The following ANGPT1 variants were observed in gnomAD, a reference collection of about 807,000 sequenced individuals.
ANGPT1 encodes the protein angiopoietin-1.
In ANGPT1, 17 loss-of-function variants were observed where a neutral mutation model predicts 62.2. The observed-to-expected ratio is 0.27, with a 90% CI of 0.19 to 0.41. The LOEUF is 0.41. Among genes scored for constraint, ANGPT1 ranks in the 10% least tolerant of loss-of-function variants. The probability of loss-of-function intolerance (pLI) is 1.00; values close to 1 mark genes in which losing one functional copy is unlikely to be tolerated. For synonymous variants in ANGPT1, 199 were observed against 198.9 expected (o/e 1.00, Z 0.00); for missense variants, 478 against 594.9 (o/e 0.80, Z 2.04).
chr8:107,405,167 T>G, intron 1 of ANGPT1, among the ~76,000 whole-genome samples: 1 of 152,020 alleles, frequency 6.6e-6, no homozygotes, highest in Admixed American at 6.6e-5. Flanking sequence ...TATTACAGTT[T>G]TTTCTCATTC....
chr8:107,266,611 T>G (rs537431577), intron 7 of ANGPT1, among the ~76,000 whole-genome samples: 1 of 152,330 alleles, frequency 6.6e-6, no homozygotes, highest in African/African-American at 2.4e-5. Context: ...GAATGAGCAA[T>G]GGCAATTTTA....
At chr8:107,262,902 A>T (rs1291007167) in intron 8 of ANGPT1, among the ~76,000 whole-genome samples, 1 of 152,206 alleles carries the variant, frequency 6.6e-6, no homozygotes, top group Non-Finnish European at 1.5e-5. Flanking sequence ...TATCAACTTC[A>T]CAGTTTTGCC....
At chr8:107,313,818 T>A (rs897289367) in intron 4 of ANGPT1, among the ~76,000 whole-genome samples, 6 of 152,330 alleles carry the variant, frequency 3.9e-5, no homozygotes, top group African/African-American at 1.4e-4. Context: ...TATTTGTTTA[T>A]ACACATTTAA....
At chr8:107,366,451 A>C (rs560132057) in intron 1 of ANGPT1, among the ~76,000 whole-genome samples, 1 of 152,338 alleles carries the variant, frequency 6.6e-6, no homozygotes, top group Admixed American at 6.5e-5. Flanking sequence ...ACAATTAAAA[A>C]AATATAACTG....
At chr8:107,314,363 A>G (rs991333816) in intron 4 of ANGPT1, among the ~76,000 whole-genome samples, 17 of 152,212 alleles carry the variant, frequency 1.1e-4, no homozygotes, top group African/African-American at 4.1e-4. Context: ...ATTAACCACA[A>G]AATTTCAAAT....
chr8:107,415,704 C>A (rs1467305672), intron 1 of ANGPT1, among the ~76,000 whole-genome samples: 2 of 152,148 alleles, frequency 1.3e-5, no homozygotes, highest in Non-Finnish European at 2.9e-5. Flanking sequence ...CACAACTTAG[C>A]CCCTTCTGGA....
intron 1 of ANGPT1, among the ~76,000 whole-genome samples, chr8:107,392,267 G>A (rs972933070): frequency 6.6e-5 from 10 of 151,910 alleles, no homozygotes; most frequent in Non-Finnish European, 1.3e-4. Context: ...TTGCAATCCC[G>A]ACAAATTTCT....
intron 1 of ANGPT1, among the ~76,000 whole-genome samples, chr8:107,435,643 G>A (rs572836477): frequency 6.6e-6 from 1 of 152,290 alleles, no homozygotes; most frequent in East Asian, 1.9e-4. Flanking sequence ...AGGGAGGCAG[G>A]TAGTAAGGAA....
intron 5 of ANGPT1, among the ~76,000 whole-genome samples, chr8:107,300,462 A>G (rs1814560864): frequency 2.0e-5 from 3 of 151,824 alleles, no homozygotes. Flanking sequence ...CAAGAGAATG[A>G]ACATCTAAGT....
rs186583117 is a variant in ANGPT1 at position 107,268,424 on chromosome 8, G to C, written c.1206-4073C>G. Among the ~76,000 whole-genome samples the C allele has an allele frequency of 2.1e-3, 326 of 151,814 alleles. 3 individuals are homozygous for C. Among genetic ancestry groups the C allele is most frequent in the Middle Eastern group, 6.8e-3 (2 of 294 alleles). ...TGTAGGGTTGTGTGTGTGTGTGTGTGTGTGTGTGTGTGTGTGTACATAGAT... is the reference window on the plus strand; with the variant it reads ...TGTAGGGTTGTGTGTGTGTGTGTGTCTGTGTGTGTGTGTGTGTACATAGAT... On this transcript the variant is annotated intron_variant, in intron 7 of 8. Coordinates refer to ENST00000517746, the MANE Select transcript of ANGPT1 (RefSeq NM_001146.5).
At position 107,322,867 on chromosome 8, in the gene ANGPT1, C is replaced by T. The variant is rs138273789; in HGVS notation, c.576-739G>A. The T allele has an allele frequency of 1.2e-3, 210 of 175,694 alleles. 1 individual carries two copies. The highest frequency in any genetic ancestry group is 4.7e-3 in the African/African-American group (195 of 41,894). 10.9% of individuals were successfully genotyped at this position (175,694 alleles called of 1,614,324 possible). Reference sequence around the variant, plus strand: ...GAAAACTATATTGACACAGAAACCACAGGAGCCAAAAGTGATCTATCTAAA... The same window carrying T: ...GAAAACTATATTGACACAGAAACCATAGGAGCCAAAAGTGATCTATCTAAA... On this transcript the variant is annotated intron_variant, in intron 3 of 8. Transcript: ENST00000517746.
chr8:107,312,676 T>C (rs140638795), intron 4 of ANGPT1, among the ~76,000 whole-genome samples: 437 of 152,224 alleles, frequency 2.9e-3, no homozygotes, highest in African/African-American at 0.01. Flanking sequence ...GCTTCACCGG[T>C]TATTAGGAGT....
At chr8:107,406,294 G>A (rs1560737) in intron 1 of ANGPT1, among the ~76,000 whole-genome samples, 25,907 of 151,260 alleles carry the variant, frequency 0.17, 3,009 homozygotes, top group East Asian at 0.56. Flanking sequence ...ATCTGTCTTC[G>A]GTTTCTTTCA....
intron 1 of ANGPT1, among the ~76,000 whole-genome samples, chr8:107,445,081 G>GTA (rs1811580703): frequency 6.6e-6 from 1 of 152,138 alleles, no homozygotes; most frequent in Non-Finnish European, 1.5e-5. Context: ...CTCTCACTTT[G>GTA]CATTTTCTAC....
Position 107,474,843 on chromosome 8 carries a change from AAG to A in ANGPT1, c.297+22417_297+22418del, listed in dbSNP as rs1310568154. On this transcript the variant is annotated intron_variant, in intron 1 of 8. Transcript: ENST00000517746. Reference sequence around the variant, plus strand: ...TGAACTCCCATTCACAATTGCTTCAAAGAGAATAAAATACCTAGGAATTCAAC... The same window carrying A: ...TGAACTCCCATTCACAATTGCTTCAAAGAATAAAATACCTAGGAATTCAAC... Among the ~76,000 whole-genome samples, 5 of 152,294 alleles carry A rather than the reference AAG, an allele frequency of 3.3e-5. No homozygotes were observed. The South Asian group carries it at 1.0e-3, about 32-fold the overall frequency.
intron 5 of ANGPT1, among the ~76,000 whole-genome samples, chr8:107,302,046 G>A: frequency 6.6e-6 from 1 of 151,894 alleles, no homozygotes; most frequent in Non-Finnish European, 1.5e-5. Context: ...TGGAAGTGTT[G>A]ATATTGCCAT....
At chr8:107,419,849 A>G (rs535252597) in intron 1 of ANGPT1, among the ~76,000 whole-genome samples, 35 of 152,152 alleles carry the variant, frequency 2.3e-4, no homozygotes, top group Non-Finnish European at 3.8e-4. Context: ...TAGGGTTTTA[A>G]TGCTTTTAAA....
At chr8:107,411,681 C>T (rs978151974) in intron 1 of ANGPT1, among the ~76,000 whole-genome samples, 2 of 152,154 alleles carry the variant, frequency 1.3e-5, no homozygotes, top group Non-Finnish European at 2.9e-5. Flanking sequence ...ACATAGAATG[C>T]TTTTAATGGC....
At chr8:107,462,091 G>A (rs1425890961) in intron 1 of ANGPT1, among the ~76,000 whole-genome samples, 4 of 151,852 alleles carry the variant, frequency 2.6e-5, no homozygotes, top group South Asian at 2.1e-4. Flanking sequence ...TCATTTTCTC[G>A]GAAGTTAGAA....
Sources: allele counts gnomAD v4.1 joint callset (sites outside exome capture counted in the v4.1 genomes callset), GRCh38; gene constraint gnomAD v4.1.1; transcripts MANE v1.5; gene names NCBI Gene and HGNC (gene_info 2026-07-23, HGNC 2026-07-21).